ROBO2: variants seen among roughly 807,000 people sequenced by gnomAD.
ROBO2 encodes roundabout guidance receptor 2.
ROBO2 carries 53 observed loss-of-function variants against 160.8 expected under a neutral mutation model. That is an observed-to-expected ratio of 0.33 (90% CI 0.26 to 0.41). The LOEUF (loss-of-function observed/expected upper bound fraction) is 0.41. ROBO2 is among the 10% of genes least tolerant of loss of function. The pLI is 1.00. For synonymous variants in ROBO2, 664 were observed against 611.7 expected (o/e 1.09, Z -1.26); for missense variants, 1,577 against 1,722.4 (o/e 0.92, Z 1.49).
chr3:76,773,603 A>T (rs932306943), intron 2 of ROBO2, among the ~76,000 whole-genome samples: 4 of 150,666 alleles, frequency 2.7e-5, no homozygotes, highest in African/African-American at 9.7e-5. Context: ...GCAGCATAGT[A>T]AAACACCTGT....
chr3:76,929,274 A>G (rs549546256), intron 2 of ROBO2, among the ~76,000 whole-genome samples: 35 of 152,202 alleles, frequency 2.3e-4, no homozygotes, highest in Non-Finnish European at 4.0e-4. Flanking sequence ...AGAAAGAAAG[A>G]AAAGAAAGAA....
At chr3:76,711,846 C>T (rs1164308469) in intron 2 of ROBO2, among the ~76,000 whole-genome samples, 1 of 152,170 alleles carries the variant, frequency 6.6e-6, no homozygotes, top group Non-Finnish European at 1.5e-5. Flanking sequence ...GTCACTTCTT[C>T]CTGGGAGCCA....
chr3:76,370,017 T>C lies in ROBO2; in HGVS notation c.109+432415T>C, dbSNP rs768973653. ...CAGATAGACACTCATTAATAAATTA[T>C]ACAATTAGTTTAGTAGATCTCGATG... On this transcript the variant is annotated intron_variant, in intron 2 of 26. Transcript: ENST00000487694. Among the ~76,000 whole-genome samples, 32 of 152,124 alleles carry C rather than the reference T, an allele frequency of 2.1e-4. 1 individual carries two copies. The highest frequency in any genetic ancestry group is 7.7e-4 in the African/African-American group (32 of 41,546).
intron 2 of ROBO2, among the ~76,000 whole-genome samples, chr3:76,071,936 CTG>C: frequency 6.6e-6 from 1 of 152,130 alleles, no homozygotes; most frequent in Middle Eastern, 3.4e-3. Flanking sequence ...ACAGTAAAAA[CTG>C]TTTTGTGGAA....
At chr3:76,273,582 G>A (rs1707736419) in intron 2 of ROBO2, among the ~76,000 whole-genome samples, 1 of 152,118 alleles carries the variant, frequency 6.6e-6, no homozygotes, top group African/African-American at 2.4e-5. Flanking sequence ...ATGGCAGGCA[G>A]AGAAGTGCCG....
intron 2 of ROBO2, among the ~76,000 whole-genome samples, chr3:76,946,823 A>G (rs1321989113): frequency 6.6e-6 from 1 of 152,190 alleles, no homozygotes; most frequent in Non-Finnish European, 1.5e-5. Flanking sequence ...GCTGGGTTGC[A>G]CCTGGATTAC....
intron 2 of ROBO2, among the ~76,000 whole-genome samples, chr3:77,355,715 G>A (rs575271843): frequency 6.6e-6 from 1 of 152,188 alleles, no homozygotes; most frequent in Admixed American, 6.5e-5. Flanking sequence ...ATTTTAGATT[G>A]AAGAAAAACT....
chr3:77,055,635 A>T, intron 1 of ROBO2, among the ~76,000 whole-genome samples: 1 of 152,214 alleles, frequency 6.6e-6, no homozygotes, highest in East Asian at 1.9e-4. Flanking sequence ...ATATATCCAC[A>T]TATAAACTTC....
At chr3:76,256,311 C>A (rs1034139339) in intron 2 of ROBO2, among the ~76,000 whole-genome samples, 38 of 44,772 alleles carry the variant, frequency 8.5e-4, no homozygotes, top group African/African-American at 3.9e-3. Context: ...CTCTCTCTCT[C>A]TCTCTCTCTC....
exon 26 of ROBO2, chr3:77,647,766 T>C (rs537975998): frequency 1.3e-5 from 2 of 152,160 alleles, no homozygotes; most frequent in Admixed American, 1.3e-4. Context: ...TTGTTGGTAC[T>C]CTTCTAAAAA....
chr3:76,010,033 G>T (rs2066148018), intron 2 of ROBO2, among the ~76,000 whole-genome samples: 1 of 152,030 alleles, frequency 6.6e-6, no homozygotes, highest in Non-Finnish European at 1.5e-5. Flanking sequence ...AGAAACCCTG[G>T]AAAGCACATT....
chr3:77,488,363 C>A (rs1317459114), intron 4 of ROBO2, among the ~76,000 whole-genome samples: 1 of 152,154 alleles, frequency 6.6e-6, no homozygotes, highest in Non-Finnish European at 1.5e-5. Flanking sequence ...TTCAGAGAGG[C>A]TCTGATCTAA....
chr3:76,721,252 A>G (rs1369209833), intron 2 of ROBO2, among the ~76,000 whole-genome samples: 1 of 136,278 alleles, frequency 7.3e-6, no homozygotes, highest in Non-Finnish European at 1.6e-5. Flanking sequence ...TACATAAAAC[A>G]TTTTTCTTAA....
At chr3:76,907,566 G>C (rs751042994) in intron 2 of ROBO2, among the ~76,000 whole-genome samples, 5 of 152,084 alleles carry the variant, frequency 3.3e-5, no homozygotes, top group Non-Finnish European at 7.4e-5. Flanking sequence ...GATACAGTCT[G>C]CCCCCATGGA....
At chr3:77,297,548 G>A (rs1440258230) in intron 2 of ROBO2, among the ~76,000 whole-genome samples, 1 of 152,100 alleles carries the variant, frequency 6.6e-6, no homozygotes, top group African/African-American at 2.4e-5. Context: ...GGTGATGGAC[G>A]AAATGAGGGA....
At chr3:77,022,568 T>G (rs2062705487) in intron 2 of ROBO2, among the ~76,000 whole-genome samples, 1 of 152,174 alleles carries the variant, frequency 6.6e-6, no homozygotes, top group Non-Finnish European at 1.5e-5. Context: ...AACTTAAACA[T>G]AAAAATGGAC....
chr3:76,549,158 T>C (rs1404180968), intron 2 of ROBO2, among the ~76,000 whole-genome samples: 1 of 152,214 alleles, frequency 6.6e-6, no homozygotes, highest in Non-Finnish European at 1.5e-5. Flanking sequence ...AGAACATTCA[T>C]AATGCCAAAT....
At chr3:77,112,092 A>G (rs1234630593) in intron 2 of ROBO2, among the ~76,000 whole-genome samples, 1 of 148,330 alleles carries the variant, frequency 6.7e-6, no homozygotes. Context: ...GCTCACCTGT[A>G]GTCCCAGCTA....
At chr3:75,919,993 A>T (rs1355371031) in intron 1 of ROBO2, among the ~76,000 whole-genome samples, 1 of 151,926 alleles carries the variant, frequency 6.6e-6, no homozygotes, top group East Asian at 1.9e-4. Flanking sequence ...ACCCACTCCT[A>T]GATTCATTGA....
Sources: gnomAD v4.1 joint callset for allele counts (sites outside exome capture counted in the v4.1 genomes callset) on GRCh38, gnomAD v4.1.1 for gene constraint, MANE v1.5 for transcripts, NCBI Gene and HGNC (gene_info 2026-07-23, HGNC 2026-07-21) for gene names.